The following VWF variants were observed in gnomAD, a reference collection of about 807,000 sequenced individuals.
The protein encoded by VWF is von Willebrand factor.
A neutral mutation model predicts 308.6 loss-of-function variants in VWF; 176 were observed. That is an observed-to-expected ratio of 0.57 (90% CI 0.50 to 0.65). The LOEUF (loss-of-function observed/expected upper bound fraction) is 0.65, where lower values mean the gene tolerates loss of function less well. VWF is among the 30% of genes least tolerant of loss of function. The pLI is 0.00. For synonymous variants in VWF, 1,385 were observed against 1,443.4 expected, an observed-to-expected ratio of 0.96 and a Z score of 0.92; for missense variants, 3,146 against 3,648.2, an observed-to-expected ratio of 0.86 and a Z score of 3.55.
At chr12:6,089,922 G>GA (rs1945012209) in intron 6 of VWF, among the ~76,000 whole-genome samples, 4 of 151,472 alleles carry the variant, frequency 2.6e-5, no homozygotes, top group Admixed American at 1.3e-4. Context: ...GTATGTTTGG[G>GA]AAAAAAAGAA....
intron 20 of VWF, among the ~76,000 whole-genome samples, chr12:6,033,301 T>C (rs1269304058): frequency 3.3e-5 from 5 of 152,072 alleles, no homozygotes; most frequent in East Asian, 3.9e-4. Flanking sequence ...CCCAGGACAA[T>C]GCATCAGAAG....
chr12:5,961,602 A>AC (rs1943317420), intron 47 of VWF, among the ~76,000 whole-genome samples: 1 of 151,928 alleles, frequency 6.6e-6, no homozygotes, highest in Admixed American at 6.5e-5. Context: ...AAAAAAAAAA[A>AC]AAACACTATT....
chr12:6,090,581 A>T (rs1189428030), intron 6 of VWF, among the ~76,000 whole-genome samples: 2 of 151,604 alleles, frequency 1.3e-5, no homozygotes, highest in Non-Finnish European at 1.5e-5. Flanking sequence ...GTGGGAGAAT[A>T]TGGGGAGCCA....
rs538903394 is a variant in VWF at position 5,966,634 on chromosome 12, G to C, written c.7887+852C>G. On this transcript the variant is annotated intron_variant, in intron 47 of 51. Transcript: ENST00000261405. ...CCACTGTGCTGCCTGCTTATAAGAG[G>C]CTCCTCTCCACCTTGCTGCAGCCCC... is the stretch of plus-strand genomic sequence containing the variant. 1.4e-4 allele frequency among the ~76,000 whole-genome samples: 21 copies of C among 150,920 alleles called. 1 individual carries two copies. The highest frequency in any genetic ancestry group is 1.4e-3 in the Admixed American group (21 of 15,136).
chr12:6,116,800 A>G (rs572557681), intron 3 of VWF, among the ~76,000 whole-genome samples: 1 of 152,348 alleles, frequency 6.6e-6, no homozygotes, highest in Non-Finnish European at 1.5e-5. Context: ...GTGCGTACAT[A>G]AACACTTTTC....
intron 34 of VWF, among the ~76,000 whole-genome samples, chr12:6,007,194 C>T (rs1292609149): frequency 6.6e-6 from 1 of 152,128 alleles, no homozygotes; most frequent in African/African-American, 2.4e-5. Context: ...AATAAGGAAA[C>T]AGAGAACTCA....
chr12:6,011,444 C>T (rs576441153), intron 34 of VWF, among the ~76,000 whole-genome samples, 173 bp downstream of exon 34: 92 of 152,234 alleles, frequency 6.0e-4, no homozygotes, highest in African/African-American at 2.0e-3. Context: ...TGGCTGCATG[C>T]ATGTCCAAAG....
chr12:6,082,149 TAG>T (rs1196628646), intron 6 of VWF, among the ~76,000 whole-genome samples: 1 of 152,072 alleles, frequency 6.6e-6, no homozygotes, highest in African/African-American at 2.4e-5. Flanking sequence ...GTATTTTTAG[TAG>T]AGACTGGGTT....
At chr12:6,001,998 TA>T (rs1475821184) in intron 34 of VWF, among the ~76,000 whole-genome samples, 3 of 151,988 alleles carry the variant, frequency 2.0e-5, no homozygotes, top group Non-Finnish European at 4.4e-5. Context: ...AAAGGGACAA[TA>T]AAAACAGATA....
rs573814787 is a variant in VWF at position 6,025,722 on chromosome 12, C to T, written c.3109-29G>A. On this transcript the variant is annotated intron_variant, in intron 23 of 51. Coordinates refer to ENST00000261405, the MANE Select transcript of VWF (RefSeq NM_000552.5). Reference sequence around the variant, plus strand: ...GGAACCAGGCAAGAGATAGGCCAGCCGTCAGCTGGTCAAACTGGGGTTATT... The same window carrying T: ...GGAACCAGGCAAGAGATAGGCCAGCTGTCAGCTGGTCAAACTGGGGTTATT... The T allele has an allele frequency of 1.5e-4, 190 of 1,292,164 alleles. 1 individual carries two copies. In the South Asian group the frequency reaches 1.5e-3, roughly 10 times the overall value. The allele number at this position is 1,292,164 out of a possible 1,614,324, so 80.0% of individuals were successfully genotyped here. A position where few individuals can be genotyped will look rare whatever the true frequency, so the allele number is the denominator to read the frequency against.
intron 16 of VWF, among the ~76,000 whole-genome samples, chr12:6,048,651 C>T (rs1944473983): frequency 6.6e-6 from 1 of 151,808 alleles, no homozygotes; most frequent in Non-Finnish European, 1.5e-5. Context: ...TTAGTGGAGA[C>T]AGGGTTTCAC....
At chr12:5,963,433 A>C (rs1055902735) in intron 47 of VWF, among the ~76,000 whole-genome samples, 3 of 152,250 alleles carry the variant, frequency 2.0e-5, no homozygotes, top group Non-Finnish European at 4.4e-5. Flanking sequence ...GAGAAGCAGT[A>C]AGGAAAAAAT....
At chr12:6,013,322 CA>C (rs1944018861) in intron 32 of VWF, among the ~76,000 whole-genome samples, 158 bp downstream of exon 32, 1 of 152,200 alleles carries the variant, frequency 6.6e-6, no homozygotes, top group Admixed American at 6.5e-5. Context: ...CTCCCATGAA[CA>C]GAAACTTAAA....
rs770423079 is a variant in VWF at position 6,075,547 on chromosome 12, A to G, written c.662T>C (p.Leu221Pro). The change falls in exon 7 of 52, where the codon CTG (leucine) becomes CCG (proline). Residue 221 changes from leucine to proline, a missense_variant. Transcript: ENST00000261405. This position sits in a 1 kb window ranked among gnomAD's most constrained non-coding sequence, Gnocchi z 4.7. ...NISSGEMQKG[L>P]WEQCQLLKST... The stretch of plus-strand genomic sequence containing the variant: ...CTTCAGAAGCTGGCACTGCTCCCAC[A>G]GGCCCTGCAGGAAGAGGGGCCGCCT... The G allele has an allele frequency of 6.2e-7, 1 of 1,613,354 alleles. No homozygotes were observed. Among genetic ancestry groups the G allele is most frequent in the Admixed American group, 1.7e-5 (1 of 59,912 alleles).
chr12:5,959,847 G>A (rs1943292369), intron 47 of VWF, among the ~76,000 whole-genome samples: 1 of 151,648 alleles, frequency 6.6e-6, no homozygotes, highest in East Asian at 1.9e-4. Context: ...AACAGTTCTT[G>A]AAGGAAAATT....
At chr12:6,007,479 G>A (rs1332874123) in intron 34 of VWF, among the ~76,000 whole-genome samples, 2 of 152,098 alleles carry the variant, frequency 1.3e-5, no homozygotes, top group South Asian at 2.1e-4. Context: ...CAACCAATGA[G>A]TCAAAGAAGA....
chr12:6,124,206 A>C (rs1044729822), intron 1 of VWF, among the ~76,000 whole-genome samples: 1 of 152,216 alleles, frequency 6.6e-6, no homozygotes, highest in South Asian at 2.1e-4. Context: ...ACTATCAAAC[A>C]GTAAAACCCA....
chr12:5,987,496 G>T (rs1263897347), intron 38 of VWF, among the ~76,000 whole-genome samples: 1 of 152,178 alleles, frequency 6.6e-6, no homozygotes, highest in African/African-American at 2.4e-5. Context: ...CAGCACAACT[G>T]CTTCTCATCA....
intron 10 of VWF, among the ~76,000 whole-genome samples, chr12:6,065,745 A>G (rs1441331662): frequency 4.6e-5 from 7 of 152,104 alleles, no homozygotes; most frequent in Non-Finnish European, 1.0e-4. Flanking sequence ...AGGCTCTGGG[A>G]AACAGTGTCA....
Sources: allele counts gnomAD v4.1 joint callset (sites outside exome capture counted in the v4.1 genomes callset), GRCh38; gene constraint gnomAD v4.1.1; non-coding constraint Gnocchi (gnomAD v3.1); transcripts MANE v1.5; gene names NCBI Gene and HGNC (gene_info 2026-07-23, HGNC 2026-07-21).